The following CFAP54 variants were observed in gnomAD, a reference collection of about 807,000 sequenced individuals.
The protein encoded by CFAP54 is cilia and flagella associated protein 54.
In CFAP54, 290 loss-of-function variants were observed where a neutral mutation model predicts 370.4. The observed-to-expected ratio is 0.78, with a 90% CI of 0.71 to 0.86. The LOEUF is 0.86. Among genes scored for constraint, CFAP54 ranks in the 40% least tolerant of loss-of-function variants. The pLI is 0.00. For missense variants in CFAP54, 3,399 were observed against 3,528.7 expected, an observed-to-expected ratio of 0.96 and a Z score of 0.93; for synonymous variants, 1,206 against 1,236.5, an observed-to-expected ratio of 0.98 and a Z score of 0.52.
chr12:96,834,619 G>A (rs1307842911), intron 66 of CFAP54, among the ~76,000 whole-genome samples: 1 of 152,230 alleles, frequency 6.6e-6, no homozygotes, highest in Non-Finnish European at 1.5e-5. Flanking sequence ...ACACAGTGGT[G>A]CCCAGAAGCC....
At chr12:96,723,464 T>G (rs533792118) in intron 50 of CFAP54, among the ~76,000 whole-genome samples, 3 of 152,130 alleles carry the variant, frequency 2.0e-5, no homozygotes, top group African/African-American at 7.2e-5. Context: ...TTGAGGAGAA[T>G]GGAGTGACCA....
chr12:96,642,729 C>T (rs1272816675), intron 32 of CFAP54, among the ~76,000 whole-genome samples: 1 of 152,184 alleles, frequency 6.6e-6, no homozygotes, highest in Non-Finnish European at 1.5e-5. Flanking sequence ...TTATCTGCTT[C>T]CTCTTATGGC....
chr12:96,870,606 T>C (rs1230260041), intron 67 of CFAP54, among the ~76,000 whole-genome samples: 1 of 152,228 alleles, frequency 6.6e-6, no homozygotes. Flanking sequence ...TACATTCTTA[T>C]ATTATTACAT....
intron 26 of CFAP54, among the ~76,000 whole-genome samples, chr12:96,610,177 C>G (rs894536621): frequency 6.6e-6 from 1 of 152,142 alleles, no homozygotes; most frequent in South Asian, 2.1e-4. Flanking sequence ...TAATATATGA[C>G]AAAGGTAGCA....
intron 64 of CFAP54, among the ~76,000 whole-genome samples, chr12:96,816,877 G>C (rs1592781577): frequency 1.3e-5 from 2 of 152,224 alleles, no homozygotes; most frequent in Non-Finnish European, 2.9e-5. Context: ...TAACTGGCAT[G>C]TGAACCTTGT....
intron 63 of CFAP54, among the ~76,000 whole-genome samples, chr12:96,798,271 C>T (rs1041410998): frequency 6.6e-6 from 1 of 151,948 alleles, no homozygotes; most frequent in African/African-American, 2.4e-5. Flanking sequence ...GAAGTACATG[C>T]TTTAGAATTT....
chr12:96,802,714 T>G (rs1236287562), intron 63 of CFAP54, among the ~76,000 whole-genome samples: 1 of 152,192 alleles, frequency 6.6e-6, no homozygotes, highest in Non-Finnish European at 1.5e-5. Context: ...TAGGTATACA[T>G]GTGCCCTGGC....
chr12:96,730,647 A>G (rs190936492), intron 50 of CFAP54, among the ~76,000 whole-genome samples: 39 of 152,344 alleles, frequency 2.6e-4, no homozygotes, highest in African/African-American at 7.9e-4. Context: ...ATGAAATTCC[A>G]TACATTAAAC....
At chr12:96,584,626 C>T (rs1188363415) in intron 22 of CFAP54, among the ~76,000 whole-genome samples, 1 of 142,434 alleles carries the variant, frequency 7.0e-6, no homozygotes, top group South Asian at 2.2e-4. Context: ...ATCACTTCAT[C>T]CTTTGAAATA....
chr12:96,651,960 C>T (rs1754598589), intron 36 of CFAP54, 145 bp downstream of exon 36: 1 of 615,746 alleles, frequency 1.6e-6, no homozygotes, highest in Non-Finnish European at 2.8e-6. Flanking sequence ...ATTTTGTTTA[C>T]AATATATAAC....
chr12:96,654,244 G>A (rs1036515884), intron 36 of CFAP54, among the ~76,000 whole-genome samples: 1 of 152,154 alleles, frequency 6.6e-6, no homozygotes, highest in African/African-American at 2.4e-5. Context: ...GCTCATGCCT[G>A]TAATCCCAGC....
At chr12:96,643,025 A>G (rs1956750378) in intron 32 of CFAP54, among the ~76,000 whole-genome samples, 1 of 152,176 alleles carries the variant, frequency 6.6e-6, no homozygotes, top group Admixed American at 6.6e-5. Context: ...CATGGCAAGG[A>G]AGATGCAACC....
Position 96,744,014 on chromosome 12 carries a change from T to C in CFAP54, c.7558-6T>C. On this transcript the variant is annotated splice_polypyrimidine_tract_variant and splice_region_variant and intron_variant, in intron 54 of 67. Transcript: ENST00000524981. ...TTGCTCATTACAATATTTGTTTTTT[T>C]AATAGATGCTAGCTTTTGGAGAAAC... 1 of 1,606,452 alleles carries C rather than the reference T, an allele frequency of 6.2e-7. No individual in the cohort carries two copies. Among genetic ancestry groups the C allele is most frequent in the East Asian group, 2.2e-5 (1 of 44,804 alleles).
In CFAP54 at chr12:96,708,723, C is replaced by T. The variant is rs564573812; in HGVS notation, c.6644C>T (p.Ala2215Val). Residue 2215 changes from alanine (A) to valine (V), a missense_variant, in exon 48 of 68, where the codon GCG (alanine) becomes GTG (valine). By Grantham distance (64) the Ala-to-Val change is moderately conservative (BLOSUM62 0). This residue lies in a region of CFAP54 where 2,796 missense variants were observed against 2,869.7 expected (regional missense o/e 0.97). Coordinates refer to ENST00000524981, the MANE Select transcript of CFAP54 (RefSeq NM_001306084.2). ...VKAYFFLSVA[A>V]TINCVPENKF... ...GCATACTTTTTCCTAAGTGTGGCTGCGACAATAAATTGTGTCCCAGAAAAT... is the reference window on the plus strand; with the variant it reads ...GCATACTTTTTCCTAAGTGTGGCTGTGACAATAAATTGTGTCCCAGAAAAT... 29 of 1,611,808 alleles carry T rather than the reference C, an allele frequency of 1.8e-5. No individual in the cohort carries two copies. Among genetic ancestry groups the T allele is most frequent in the South Asian group, 4.4e-5 (4 of 90,198 alleles).
intron 63 of CFAP54, among the ~76,000 whole-genome samples, chr12:96,802,095 C>T (rs1308296841): frequency 6.6e-6 from 1 of 152,112 alleles, no homozygotes; most frequent in Non-Finnish European, 1.5e-5. Context: ...TGTGCCCCAA[C>T]TTCAGAACGA....
intron 61 of CFAP54, among the ~76,000 whole-genome samples, chr12:96,786,446 G>T (rs1355089701): frequency 6.6e-6 from 1 of 152,128 alleles, no homozygotes; most frequent in Non-Finnish European, 1.5e-5. Context: ...CTCCCAAAGT[G>T]CTGGGATTAT....
At chr12:96,699,090 G>T (rs2136575266) in intron 45 of CFAP54, among the ~76,000 whole-genome samples, 1 of 152,242 alleles carries the variant, frequency 6.6e-6, no homozygotes, top group Admixed American at 6.5e-5. Context: ...AGTTAAAAAG[G>T]TTACTCTCCT....
chr12:96,565,274 A>T (rs1185023147), intron 19 of CFAP54, among the ~76,000 whole-genome samples: 1 of 152,132 alleles, frequency 6.6e-6, no homozygotes, highest in African/African-American at 2.4e-5. Flanking sequence ...CACTCTGTCA[A>T]CTAGGCTGGA....
intron 39 of CFAP54, among the ~76,000 whole-genome samples, chr12:96,666,507 A>G (rs568898837): frequency 6.6e-6 from 1 of 152,354 alleles, no homozygotes; most frequent in South Asian, 2.1e-4. Flanking sequence ...AGGCCACACA[A>G]TCACGGAAGA....
Sources: gnomAD v4.1 joint callset for allele counts (sites outside exome capture counted in the v4.1 genomes callset) on GRCh38, gnomAD v4.1.1 for gene constraint, gnomAD v4.1.1 regional missense constraint, MANE v1.5 for transcripts, NCBI Gene and HGNC (gene_info 2026-07-23, HGNC 2026-07-21) for gene names.